Variants in TUFT1 observed in about 807,000 individuals in gnomAD.
TUFT1 encodes the protein tuftelin.
In TUFT1, 43 loss-of-function variants were observed where a neutral mutation model predicts 57.8. The observed-to-expected ratio is 0.74, with a 90% CI of 0.58 to 0.96. The LOEUF (loss-of-function observed/expected upper bound fraction) is 0.96, where lower values mean the gene tolerates loss of function less well. Among genes scored for constraint, TUFT1 ranks in the 40% least tolerant of loss-of-function variants. The pLI, the probability that TUFT1 is intolerant of heterozygous loss-of-function variation, is 0.00. For synonymous variants in TUFT1, 166 were observed against 176.7 expected (o/e 0.94, Z 0.48); for missense variants, 459 against 489.0 (o/e 0.94, Z 0.58).
rs528795506 is a variant in TUFT1, at chr1:151,570,470, C to T, written c.594+700C>T. ...CTAATTTTTGTGTTTTTAGAAGAGA[C>T]GGGGTTTCACCATGTTGGCCAGGAT... On this transcript the variant is annotated intron_variant, in intron 7 of 12. Transcript: ENST00000368849. Among the ~76,000 whole-genome samples the T allele has an allele frequency of 2.6e-5, 4 of 152,044 alleles. No homozygotes were observed. In the East Asian group the frequency reaches 5.8e-4, roughly 22 times the overall value.
intron 7 of TUFT1, among the ~76,000 whole-genome samples, chr1:151,573,241 A>G (rs1312832866): frequency 1.3e-5 from 2 of 152,140 alleles, no homozygotes; most frequent in African/African-American, 4.8e-5. Context: ...AATCTGTTCA[A>G]TGCTATGAGA....
At chr1:151,576,836 GTTGGT>G (rs1666482432) in intron 9 of TUFT1, among the ~76,000 whole-genome samples, 1 of 152,124 alleles carries the variant, frequency 6.6e-6, no homozygotes, top group Non-Finnish European at 1.5e-5. Flanking sequence ...TGTCGGCCAG[GTTGGT>G]CTTGAAATCC....
intron 1 of TUFT1, among the ~76,000 whole-genome samples, chr1:151,547,426 G>A (rs780200194): frequency 6.6e-6 from 1 of 152,204 alleles, no homozygotes; most frequent in Admixed American, 6.5e-5. Flanking sequence ...TTGGGTCAAG[G>A]TGCAGAGGCT....
chr1:151,553,514 T>C (rs1163375004), intron 1 of TUFT1, among the ~76,000 whole-genome samples: 1 of 152,202 alleles, frequency 6.6e-6, no homozygotes, highest in African/African-American at 2.4e-5. Context: ...AGAAGAGGGA[T>C]TCTAGTTTCT....
chr1:151,549,806 T>A (rs1665452218), intron 1 of TUFT1, among the ~76,000 whole-genome samples: 1 of 152,160 alleles, frequency 6.6e-6, no homozygotes, highest in African/African-American at 2.4e-5. Flanking sequence ...ACTGCCGCCT[T>A]GACCTTATGA....
chr1:151,581,121 C>T, intron 12 of TUFT1, 79 bp downstream of exon 12: 1 of 1,333,238 alleles, frequency 7.5e-7, no homozygotes, highest in Non-Finnish European at 1.1e-6. Flanking sequence ...ACCTTTAGTG[C>T]TAAGGCAAGA....
At chr1:151,568,070 T>G (rs1322544728) in intron 6 of TUFT1, among the ~76,000 whole-genome samples, 1 of 152,188 alleles carries the variant, frequency 6.6e-6, no homozygotes, top group African/African-American at 2.4e-5. Flanking sequence ...GTATGTAGCA[T>G]TTCTTTATAA....
rs536766438 is a variant in TUFT1 at position 151,563,006 on chromosome 1, G to A, written c.237+320G>A. On this transcript the variant is annotated intron_variant, in intron 3 of 12. Coordinates refer to ENST00000368849, the MANE Select transcript of TUFT1 (RefSeq NM_020127.3). The stretch of plus-strand genomic sequence containing the variant: ...TAGGAGGTGTGTTTATGGAACTTAT[G>A]TTTTCCTATAATGGGTTCATCCTGA... Among the ~76,000 whole-genome samples the A allele has an allele frequency of 5.9e-5, 9 of 152,128 alleles. No individual in the cohort carries two copies. The South Asian group carries it at 1.9e-3, about 32-fold the overall frequency.
chr1:151,580,377 G>C (rs958607290), intron 11 of TUFT1, among the ~76,000 whole-genome samples: 1 of 152,126 alleles, frequency 6.6e-6, no homozygotes, highest in Non-Finnish European at 1.5e-5. Context: ...ATTATATATA[G>C]GGGCCAGGTG....
At chr1:151,552,547 TACA>T (rs1665543457) in intron 1 of TUFT1, among the ~76,000 whole-genome samples, 1 of 151,646 alleles carries the variant, frequency 6.6e-6, no homozygotes, top group South Asian at 2.1e-4. Context: ...CTACTAAAAA[TACA>T]AAAATTAGCT....
intron 1 of TUFT1, among the ~76,000 whole-genome samples, chr1:151,547,435 C>G (rs1254746241): frequency 6.6e-6 from 1 of 152,162 alleles, no homozygotes; most frequent in Non-Finnish European, 1.5e-5. Flanking sequence ...GGTGCAGAGG[C>G]TTGTGAAATA....
intron 1 of TUFT1, 82 bp downstream of exon 1, chr1:151,540,508 T>A: frequency 6.6e-7 from 1 of 1,525,036 alleles, no homozygotes; most frequent in Non-Finnish European, 9.1e-7. Context: ...CGCGCCGTGT[T>A]GGCTGACATC....
chr1:151,545,528 C>T (rs1442535451), intron 1 of TUFT1, among the ~76,000 whole-genome samples: 3 of 152,138 alleles, frequency 2.0e-5, no homozygotes, highest in Non-Finnish European at 4.4e-5. Flanking sequence ...AAGCACAGTG[C>T]CTGGCATGTG....
At chr1:151,568,458 T>C (rs916120114) in intron 6 of TUFT1, among the ~76,000 whole-genome samples, 1 of 152,270 alleles carries the variant, frequency 6.6e-6, no homozygotes, top group Non-Finnish European at 1.5e-5. Flanking sequence ...CTTTTATAAC[T>C]TACTTTTTTG....
intron 1 of TUFT1, among the ~76,000 whole-genome samples, chr1:151,542,059 A>G (rs1236306120): frequency 6.6e-6 from 1 of 152,196 alleles, no homozygotes; most frequent in Non-Finnish European, 1.5e-5. Flanking sequence ...GGAAAAGGGT[A>G]TGAGATAAAT....
chr1:151,568,946 C>CAG (rs1464295514), intron 6 of TUFT1, among the ~76,000 whole-genome samples: 1 of 152,144 alleles, frequency 6.6e-6, no homozygotes, highest in African/African-American at 2.4e-5. Context: ...GATGATGATG[C>CAG]AGAGACTGGG....
chr1:151,580,904 GA>G (rs776681780), intron 11 of TUFT1, 37 bp from the exon 12 acceptor site: 1 of 1,606,336 alleles, frequency 6.2e-7, no homozygotes, highest in Non-Finnish European at 8.5e-7. Context: ...CGGGAAGCCA[GA>G]AAAAGGCCAA....
chr1:151,570,842 G>A (rs1666231096), intron 7 of TUFT1, among the ~76,000 whole-genome samples: 1 of 152,054 alleles, frequency 6.6e-6, no homozygotes, highest in African/African-American at 2.4e-5. Context: ...GAGTAGCTGG[G>A]ACAACAGGTG....
chr1:151,545,189 AATC>A (rs1665294376), intron 1 of TUFT1, among the ~76,000 whole-genome samples: 1 of 152,254 alleles, frequency 6.6e-6, no homozygotes, highest in Admixed American at 6.5e-5. Context: ...GCGCACCTAT[AATC>A]CCAGCTACTT....
Sources: allele counts gnomAD v4.1 joint callset (sites outside exome capture counted in the v4.1 genomes callset), GRCh38; gene constraint gnomAD v4.1.1; transcripts MANE v1.5; gene names NCBI Gene and HGNC (gene_info 2026-07-23, HGNC 2026-07-21).